TAFA1: variants seen among roughly 807,000 people sequenced by gnomAD.
TAFA1 encodes TAFA chemokine like family member 1.
Under a neutral mutation model 18.5 loss-of-function variants are expected in TAFA1, and 4 were observed. The observed-to-expected ratio is 0.22, with a 90% CI of 0.11 to 0.49. The LOEUF (loss-of-function observed/expected upper bound fraction) is 0.49. Ranked by LOEUF, TAFA1 falls within the 20% of genes least tolerant of loss-of-function variation. The pLI is 0.98. For missense variants in TAFA1, 147 were observed against 169.0 expected (o/e 0.87, Z 0.72); for synonymous variants, 56 against 55.2 (o/e 1.01, Z -0.06).
chr3:68,221,052 C>T (rs1162474222), intron 2 of TAFA1, among the ~76,000 whole-genome samples: 4 of 152,168 alleles, frequency 2.6e-5, no homozygotes, highest in African/African-American at 9.7e-5. Flanking sequence ...AGCTTCAAGT[C>T]CCACGGGTCA....
intron 3 of TAFA1, among the ~76,000 whole-genome samples, chr3:68,513,615 C>T (rs2072880942): frequency 1.3e-5 from 2 of 152,068 alleles, no homozygotes; most frequent in South Asian, 4.1e-4. Flanking sequence ...AAATAAGTCC[C>T]TCCAAACTGT....
intron 3 of TAFA1, among the ~76,000 whole-genome samples, chr3:68,531,958 T>G (rs1241792411): frequency 6.6e-6 from 1 of 152,230 alleles, no homozygotes; most frequent in Non-Finnish European, 1.5e-5. Context: ...ATTATCCTTT[T>G]TATTATTGCA....
At chr3:68,235,240 A>C (rs1020182696) in intron 2 of TAFA1, among the ~76,000 whole-genome samples, 33 of 152,184 alleles carry the variant, frequency 2.2e-4, no homozygotes, top group African/African-American at 8.0e-4. Context: ...TTTTGAGTTA[A>C]ACATCTCCAC....
chr3:68,285,181 A>T (rs2067973282), intron 2 of TAFA1, among the ~76,000 whole-genome samples: 1 of 152,222 alleles, frequency 6.6e-6, no homozygotes, highest in South Asian at 2.1e-4. Flanking sequence ...AAAAAGAGTT[A>T]TACTTTATAA....
intron 2 of TAFA1, among the ~76,000 whole-genome samples, chr3:68,191,435 G>A (rs1261560585): frequency 6.6e-6 from 1 of 151,776 alleles, no homozygotes; most frequent in Non-Finnish European, 1.5e-5. Flanking sequence ...TATCTTCATA[G>A]GTAAACTGAA....
At chr3:68,502,731 T>C (rs1367757717) in intron 3 of TAFA1, among the ~76,000 whole-genome samples, 1 of 152,044 alleles carries the variant, frequency 6.6e-6, no homozygotes, top group Non-Finnish European at 1.5e-5. Context: ...TTCTTAATAC[T>C]CTGAGACACA....
At chr3:68,533,989 G>T (rs76925707) in intron 3 of TAFA1, among the ~76,000 whole-genome samples, 1,624 of 152,134 alleles carry the variant, frequency 0.011, 34 homozygotes, top group African/African-American at 0.037. Context: ...CTTCAGAAAG[G>T]CAACACTGTG....
chr3:68,006,893 GAA>G, intron 2 of TAFA1, 149 bp downstream of exon 2: 1 of 626,504 alleles, frequency 1.6e-6, no homozygotes. Flanking sequence ...TGCTTTGGGG[GAA>G]GGGGAGTGTG....
rs1704861439 is a variant in TAFA1, at chr3:68,028,379, A to G, written c.118+21635A>G. Among the ~76,000 whole-genome samples, 3 of 152,186 alleles carry G rather than the reference A, an allele frequency of 2.0e-5. No homozygotes were observed. The South Asian group carries it at 6.2e-4, about 32-fold the overall frequency. The stretch of plus-strand genomic sequence containing the variant: ...ATAATTTAAAATTTTCTAGCTAGCC[A>G]CATATAAAGAAGTTGAACAAAAAGA... On this transcript the variant is annotated intron_variant, in intron 2 of 4. Transcript: ENST00000478136.
At chr3:68,473,811 C>T (rs2072043541) in intron 3 of TAFA1, among the ~76,000 whole-genome samples, 1 of 152,150 alleles carries the variant, frequency 6.6e-6, no homozygotes, top group Admixed American at 6.6e-5. Flanking sequence ...TGCTCACTCC[C>T]CATCTCTAGT....
intron 2 of TAFA1, among the ~76,000 whole-genome samples, chr3:68,121,916 A>T (rs1167207910): frequency 2.7e-5 from 4 of 146,464 alleles, no homozygotes; most frequent in Non-Finnish European, 3.1e-5. Context: ...CAGGATGTTT[A>T]TAACTATATT....
At chr3:68,321,255 T>C (rs1397530824) in intron 2 of TAFA1, among the ~76,000 whole-genome samples, 1 of 152,204 alleles carries the variant, frequency 6.6e-6, no homozygotes, top group African/African-American at 2.4e-5. Flanking sequence ...CATTAGCTGC[T>C]ATTATTATTA....
chr3:68,021,659 T>C (rs1299629299), intron 2 of TAFA1, among the ~76,000 whole-genome samples: 1 of 152,138 alleles, frequency 6.6e-6, no homozygotes, highest in East Asian at 1.9e-4. Flanking sequence ...ATTACATAAC[T>C]AACAAGGTGT....
At chr3:68,220,061 G>A (rs1007093444) in intron 2 of TAFA1, among the ~76,000 whole-genome samples, 1 of 152,078 alleles carries the variant, frequency 6.6e-6, no homozygotes, top group East Asian at 1.9e-4. Flanking sequence ...AGCTTCATAG[G>A]TCCCCAATTA....
In TAFA1 at chr3:68,058,218, A is replaced by C. The variant is rs2064559405; in HGVS notation, c.118+51474A>C. Reference sequence around the variant, plus strand: ...CTATGTGGCCTTGAGAAAGTTATGCAACAACTTTAAGGCTTGGTTTCCTCA... The same window carrying C: ...CTATGTGGCCTTGAGAAAGTTATGCCACAACTTTAAGGCTTGGTTTCCTCA... On this transcript the variant is annotated intron_variant, in intron 2 of 4. Coordinates refer to ENST00000478136, the MANE Select transcript of TAFA1 (RefSeq NM_213609.4). Among the ~76,000 whole-genome samples, 4 of 152,318 alleles carry C rather than the reference A, an allele frequency of 2.6e-5. No homozygotes were observed. In the South Asian group the frequency reaches 8.3e-4, roughly 32 times the overall value.
At chr3:68,029,131 T>C (rs1704879108) in intron 2 of TAFA1, among the ~76,000 whole-genome samples, 1 of 152,126 alleles carries the variant, frequency 6.6e-6, no homozygotes, top group Non-Finnish European at 1.5e-5. Context: ...TCTCTCAAGA[T>C]TCTCTATCAC....
At chr3:68,171,507 G>C (rs1435008521) in intron 2 of TAFA1, among the ~76,000 whole-genome samples, 2 of 152,128 alleles carry the variant, frequency 1.3e-5, no homozygotes. Flanking sequence ...AGGAGGATCT[G>C]ATTTTCAGAG....
intron 2 of TAFA1, among the ~76,000 whole-genome samples, chr3:68,056,423 C>A (rs977121282): frequency 6.6e-6 from 1 of 152,200 alleles, no homozygotes; most frequent in Admixed American, 6.5e-5. Context: ...GGAACACCCT[C>A]TGTCCTTACC....
At chr3:68,041,855 G>A (rs1705172006) in intron 2 of TAFA1, among the ~76,000 whole-genome samples, 1 of 152,166 alleles carries the variant, frequency 6.6e-6, no homozygotes, top group South Asian at 2.1e-4. Context: ...ATGGCTTGTG[G>A]AACACAATTC....
Sources: allele counts gnomAD v4.1 joint callset (sites outside exome capture counted in the v4.1 genomes callset), GRCh38; gene constraint gnomAD v4.1.1; transcripts MANE v1.5; gene names NCBI Gene and HGNC (gene_info 2026-07-23, HGNC 2026-07-21).